Variants in RCN2 observed in about 807,000 individuals in gnomAD.
The protein encoded by RCN2 is reticulocalbin 2, also known as reticulocalbin-2.
Under a neutral mutation model 37.5 loss-of-function variants are expected in RCN2, and 23 were observed. The ratio of observed to expected loss-of-function variants is 0.61; its 90% CI spans 0.44 to 0.87. RCN2 has a LOEUF of 0.87. Ranked by LOEUF, RCN2 falls within the 40% of genes least tolerant of loss-of-function variation. RCN2 has a pLI of 0.00. For missense variants in RCN2, 381 were observed against 390.4 expected, an observed-to-expected ratio of 0.98 and a Z score of 0.20; for synonymous variants, 140 against 144.6, an observed-to-expected ratio of 0.97 and a Z score of 0.23.
intron 2 of RCN2, among the ~76,000 whole-genome samples, chr15:76,934,065 T>C (rs889464452): frequency 2.0e-5 from 3 of 152,208 alleles, no homozygotes; most frequent in African/African-American, 7.2e-5. Flanking sequence ...GGTATACTCA[T>C]GCTGTCCTCA....
rs2075339390 is a variant in RCN2, at chr15:76,954,266, A to AACTTACACTTTTTC, written c.*5050_*5063dup. On this transcript the variant is annotated 3_prime_UTR_variant, in exon 7 of 7. Transcript: ENST00000394885. Reference sequence around the variant, plus strand: ...CTTTTGAGTGAGAAATGTCAACTCAAACTTACACTTTTTCACTTAGGAAGA... The same window carrying AACTTACACTTTTTC: ...CTTTTGAGTGAGAAATGTCAACTCAAACTTACACTTTTTCACTTACACTTTTTCACTTAGGAAGA... The AACTTACACTTTTTC allele has an allele frequency of 6.6e-6, 1 of 152,130 alleles. No homozygotes were observed. Among genetic ancestry groups the AACTTACACTTTTTC allele is most frequent in the Non-Finnish European group, 1.5e-5 (1 of 68,022 alleles). 9.4% of individuals were successfully genotyped at this position (152,130 alleles called of 1,614,324 possible).
At position 76,932,377 on chromosome 15, in the gene RCN2, A is replaced by G. The variant is rs1238163038; in HGVS notation, c.161A>G (p.Tyr54Cys). The change falls in exon 2 of 7, where the codon TAT (tyrosine) becomes TGT (cysteine). Residue 54 changes from tyrosine (Y) to cysteine (C), a missense_variant. Coordinates refer to ENST00000394885, the MANE Select transcript of RCN2 (RefSeq NM_002902.3). ...LLGVQEDVDE[Y>C]VKLGHEEQQK... The stretch of plus-strand genomic sequence containing the variant: ...CCCCTAAAGGAAGATGTGGATGAAT[A>G]TGTTAAACTCGGCCACGAAGAGCAG... 7 of 1,613,546 alleles carry G rather than the reference A, an allele frequency of 4.3e-6. No homozygotes were observed. The highest frequency in any genetic ancestry group is 5.9e-6 in the Non-Finnish European group (7 of 1,179,576).
chr15:76,940,517 C>G (rs1009125524), intron 3 of RCN2, among the ~76,000 whole-genome samples: 1 of 148,408 alleles, frequency 6.7e-6, no homozygotes, highest in Non-Finnish European at 1.5e-5. Flanking sequence ...TTATAACTGA[C>G]GAAAGTCAGC....
chr15:76,940,204 T>G (rs2075271153), intron 3 of RCN2, among the ~76,000 whole-genome samples: 1 of 151,920 alleles, frequency 6.6e-6, no homozygotes, highest in Non-Finnish European at 1.5e-5. Context: ...CCTGTGTGTA[T>G]GTGTAGTCCC....
In RCN2 at chr15:76,935,596, T is replaced by A. The variant is rs2075243759; in HGVS notation, c.321T>A (p.Val107=). 6.2e-7 allele frequency: 1 copy of A among 1,613,642 alleles called. No homozygotes were observed. The highest frequency in any genetic ancestry group is 1.7e-5 in the Admixed American group (1 of 60,018). ...TGCAAGAAGCAAAACAACAGTTTGT[T>A]GAATATGATAAAAACAGTGATGATA... The part of the protein sequence containing the change: ...YAMQEAKQQF[V]EYDKNSDDTV... Residue 107 remains valine (V), a synonymous_variant, in exon 3 of 7, where the codon GTT becomes GTA. Transcript: ENST00000394885.
At chr15:76,932,117 C>G (rs1435419496) in intron 1 of RCN2, 132 bp downstream of exon 1, 1 of 913,436 alleles carries the variant, frequency 1.1e-6, no homozygotes, top group Non-Finnish European at 1.5e-6. Flanking sequence ...CCGGGCGGCG[C>G]GGCACTCGCT....
At position 76,949,254 on chromosome 15, in the gene RCN2, C is replaced by T; in HGVS notation, c.*32C>T. The stretch of plus-strand genomic sequence containing the variant: ...AGCCTGTCTCAGTAGAGTACTGGCT[C>T]CTTTTATAATTTGTTACCAGCTTTA... On this transcript the variant is annotated 3_prime_UTR_variant, in exon 7 of 7. Transcript: ENST00000394885. 1 of 1,432,804 alleles carries T rather than the reference C, an allele frequency of 7.0e-7. No homozygotes were observed. Among genetic ancestry groups the T allele is most frequent in the Non-Finnish European group, 9.3e-7 (1 of 1,070,616 alleles). 88.8% of individuals were successfully genotyped at this position (1,432,804 alleles called of 1,614,324 possible). A position where few individuals can be genotyped will look rare whatever the true frequency, so the allele number is the denominator to read the frequency against.
At position 76,931,894 on chromosome 15, in the gene RCN2, C is replaced by A. The variant is rs1041406702; in HGVS notation, c.53C>A (p.Ala18Asp). The A allele has an allele frequency of 3.0e-6, 4 of 1,320,238 alleles. No individual in the cohort carries two copies. Among genetic ancestry groups the A allele is most frequent in the Middle Eastern group, 2.9e-4 (1 of 3,436 alleles). 81.8% of individuals were successfully genotyped at this position (1,320,238 alleles called of 1,614,324 possible). A position where few individuals can be genotyped will look rare whatever the true frequency, so the allele number is the denominator to read the frequency against. ...AALGLLLLCA[A>D]AAGAGKAEEL... ...TTGGGGCTGCTGCTGCTGTGCGCCG[C>A]CGCGGCCGGCGCCGGCAAGGCCGAG... Residue 18 changes from alanine to aspartate, a missense_variant, in exon 1 of 7, where the codon GCC becomes GAC. Transcript: ENST00000394885.
chr15:76,936,862 GTGT>G (rs2152649858), intron 3 of RCN2, among the ~76,000 whole-genome samples: 1 of 152,196 alleles, frequency 6.6e-6, no homozygotes, highest in East Asian at 1.9e-4. Flanking sequence ...TACATTCATG[GTGT>G]TGTGCAACCA....
At chr15:76,944,516 C>T (rs182238304) in intron 4 of RCN2, among the ~76,000 whole-genome samples, 1 of 152,180 alleles carries the variant, frequency 6.6e-6, no homozygotes, top group East Asian at 1.9e-4. Context: ...CTCAGCGCCC[C>T]CTCCCCCAAC....
Position 76,939,753 on chromosome 15 carries a change from C to A in RCN2, c.448-4005C>A, listed in dbSNP as rs114876134. The stretch of plus-strand genomic sequence containing the variant: ...GAAGTTAAATACAGTATTTTAAAAT[C>A]TTGCTGGAATTAGATTCTAATTATG... On this transcript the variant is annotated intron_variant, in intron 3 of 6. Coordinates refer to ENST00000394885, the MANE Select transcript of RCN2 (RefSeq NM_002902.3). Among the ~76,000 whole-genome samples the A allele has an allele frequency of 2.8e-3, 429 of 152,244 alleles. 1 individual carries two copies. Among genetic ancestry groups the A allele is most frequent in the African/African-American group, 1.0e-2 (415 of 41,552 alleles).
intron 3 of RCN2, among the ~76,000 whole-genome samples, chr15:76,939,723 A>G (rs985904867): frequency 1.3e-5 from 2 of 152,228 alleles, no homozygotes; most frequent in African/African-American, 4.8e-5. Context: ...CCTAGGAACA[A>G]CAGAGAAGTT....
chr15:76,936,389 CG>C (rs965065778), intron 3 of RCN2, among the ~76,000 whole-genome samples: 5 of 145,038 alleles, frequency 3.4e-5, no homozygotes, highest in Non-Finnish European at 6.1e-5. Context: ...CAGTGTGTGG[CG>C]GGGGGGTGGG....
At position 76,951,029 on chromosome 15, in the gene RCN2, A is replaced by T. The variant is rs953641822; in HGVS notation, c.*1807A>T. ...TTAGAATTACAGATTTACCACTATC[A>T]CTCATCTGTCATTTGTCAGACTCAC... On this transcript the variant is annotated 3_prime_UTR_variant, in exon 7 of 7. Transcript: ENST00000394885. 1 of 152,182 alleles carries T rather than the reference A, an allele frequency of 6.6e-6. No homozygotes were observed. The highest frequency in any genetic ancestry group is 1.5e-5 in the Non-Finnish European group (1 of 68,036). 9.4% of individuals were successfully genotyped at this position (152,182 alleles called of 1,614,324 possible).
intron 3 of RCN2, chr15:76,941,915 G>A (rs1350084007): frequency 2.8e-6 from 1 of 356,164 alleles, no homozygotes; most frequent in Non-Finnish European, 5.0e-6. Flanking sequence ...TTGGTATTTT[G>A]AATAATGGTT....
intron 4 of RCN2, 49 bp from the exon 5 acceptor site, chr15:76,947,372 C>A: frequency 8.4e-7 from 1 of 1,195,432 alleles, no homozygotes; most frequent in Non-Finnish European, 1.2e-6. Context: ...GGCAGTGGGA[C>A]TGAACATTTT....
intron 3 of RCN2, chr15:76,941,378 A>T (rs2075275932): frequency 3.4e-6 from 1 of 292,262 alleles, no homozygotes. Flanking sequence ...GGCTAATCAG[A>T]ATTTTTAATG....
intron 4 of RCN2, among the ~76,000 whole-genome samples, chr15:76,944,094 G>A (rs2075287021): frequency 7.0e-6 from 1 of 142,608 alleles, no homozygotes. Context: ...CCGTGTTCAC[G>A]CCATTCTCCT....
At position 76,937,455 on chromosome 15, in the gene RCN2, T is replaced by C. The variant is rs563736655; in HGVS notation, c.447+1733T>C. ...TTTTTGAGACAGTATCTCACTCTGTTGCCCAGGCTGAAGTGCAGTGGTATA... is the reference window on the plus strand; with the variant it reads ...TTTTTGAGACAGTATCTCACTCTGTCGCCCAGGCTGAAGTGCAGTGGTATA... On this transcript the variant is annotated intron_variant, in intron 3 of 6. Coordinates refer to ENST00000394885, the MANE Select transcript of RCN2 (RefSeq NM_002902.3). Among the ~76,000 whole-genome samples, 92 of 152,194 alleles carry C rather than the reference T, an allele frequency of 6.0e-4. 1 individual carries two copies. The highest frequency in any genetic ancestry group is 5.9e-5 in the Non-Finnish European group (4 of 67,996).
Sources: gnomAD v4.1 joint callset for allele counts (sites outside exome capture counted in the v4.1 genomes callset) on GRCh38, gnomAD v4.1.1 for gene constraint, MANE v1.5 for transcripts, NCBI Gene and HGNC (gene_info 2026-07-23, HGNC 2026-07-21) for gene names.